The following PLPP7 variants were observed in gnomAD, a reference collection of about 807,000 sequenced individuals.
PLPP7 encodes phospholipid phosphatase 7 (inactive), also known as inactive phospholipid phosphatase 7.
PLPP7 carries 11 observed loss-of-function variants against 16.9 expected under a neutral mutation model. That is an observed-to-expected ratio of 0.65 (90% CI 0.41 to 1.08). The LOEUF (loss-of-function observed/expected upper bound fraction) is 1.08, where lower values mean the gene tolerates loss of function less well. PLPP7 is among the 50% of genes least tolerant of loss of function. The pLI is 0.00. For missense variants in PLPP7, 358 were observed against 397.1 expected (o/e 0.90, Z 0.84); for synonymous variants, 174 against 175.1 (o/e 0.99, Z 0.05).
In PLPP7 at chr9:131,293,194, G is replaced by A. The variant is rs983307885; in HGVS notation, c.451+2746G>A. 5.3e-5 allele frequency among the ~76,000 whole-genome samples: 8 copies of A among 152,168 alleles called. No individual in the cohort carries two copies. In the South Asian group the frequency reaches 6.2e-4, roughly 12 times the overall value. ...GTTCAGGAAGTAAATCCAAGGCCCC[G>A]TGACTGCAAACCCCCCCACTCCTCG... On this transcript the variant is annotated intron_variant, in intron 1 of 1. Transcript: ENST00000372264.
At chr9:131,299,751 C>T (rs117706762) in intron 1 of PLPP7, among the ~76,000 whole-genome samples, 1 of 152,218 alleles carries the variant, frequency 6.6e-6, no homozygotes, top group Admixed American at 6.5e-5. Flanking sequence ...TCCCGTTTGG[C>T]CATAGGAGAC....
chr9:131,302,888 G>C (rs1835813819), intron 1 of PLPP7, among the ~76,000 whole-genome samples: 3 of 152,188 alleles, frequency 2.0e-5, no homozygotes, highest in Admixed American at 2.0e-4. Flanking sequence ...GCGTGATCTG[G>C]AACAGTCTAA....
At chr9:131,307,175 G>C (rs1835862623) in intron 1 of PLPP7, among the ~76,000 whole-genome samples, 3 of 151,700 alleles carry the variant, frequency 2.0e-5, no homozygotes, top group Admixed American at 6.6e-5. Context: ...GAACCCAGGA[G>C]GTGGAGGTTG....
chr9:131,294,408 G>C (rs920246943), intron 1 of PLPP7, among the ~76,000 whole-genome samples: 21 of 152,166 alleles, frequency 1.4e-4, no homozygotes, highest in Non-Finnish European at 2.9e-4. Context: ...ATCATTGTCA[G>C]AAGTCCAGGA....
At chr9:131,294,058 G>T (rs1364594014) in intron 1 of PLPP7, among the ~76,000 whole-genome samples, 1 of 152,158 alleles carries the variant, frequency 6.6e-6, no homozygotes, top group African/African-American at 2.4e-5. Flanking sequence ...TGGGCCTGGG[G>T]AAGTTCTCTG....
intron 1 of PLPP7, among the ~76,000 whole-genome samples, chr9:131,293,227 C>T (rs985468193): frequency 8.1e-6 from 1 of 123,680 alleles, no homozygotes; most frequent in Admixed American, 8.5e-5. Context: ...TCGCTGCTCA[C>T]CGTGGGGCTG....
chr9:131,289,929 T>C lies in PLPP7; in HGVS notation c.-69T>C. On this transcript the variant is annotated 5_prime_UTR_variant, in exon 1 of 2. Transcript: ENST00000372264. Reference sequence around the variant, plus strand: ...CCACGGTGGCGGCTCTGGGGGCAGCTCTTGTCTTCGGGGAGAAGGCCCTTG... The same window carrying C: ...CCACGGTGGCGGCTCTGGGGGCAGCCCTTGTCTTCGGGGAGAAGGCCCTTG... The C allele has an allele frequency of 7.7e-7, 1 of 1,298,344 alleles. No individual in the cohort carries two copies. Among genetic ancestry groups the C allele is most frequent in the East Asian group, 3.0e-5 (1 of 33,842 alleles). The allele number at this position is 1,298,344 out of a possible 1,614,324, so 80.4% of individuals were successfully genotyped here.
chr9:131,300,433 T>C (rs1299662043), intron 1 of PLPP7, among the ~76,000 whole-genome samples: 1 of 152,130 alleles, frequency 6.6e-6, no homozygotes, highest in Non-Finnish European at 1.5e-5. Context: ...ACCTGTAATC[T>C]CAGCACTTTA....
In PLPP7 at chr9:131,308,315, G is replaced by A. The variant is rs1174930195; in HGVS notation, c.*28G>A. On this transcript the variant is annotated 3_prime_UTR_variant, in exon 2 of 2. Transcript: ENST00000372264. ...CGCCCGCCGGCCCACACAAGCCTCT[G>A]GGGGCAGGGCTGGCCCTAGAGAAGG... 3.2e-6 allele frequency: 5 copies of A among 1,566,498 alleles called. No homozygotes were observed. Among genetic ancestry groups the A allele is most frequent in the Non-Finnish European group, 4.3e-6 (5 of 1,162,982 alleles).
chr9:131,291,726 C>T (rs902670339), intron 1 of PLPP7, among the ~76,000 whole-genome samples: 1 of 151,992 alleles, frequency 6.6e-6, no homozygotes, highest in Non-Finnish European at 1.5e-5. Flanking sequence ...GGATTACAAG[C>T]GCACACCACC....
intron 1 of PLPP7, among the ~76,000 whole-genome samples, chr9:131,307,223 G>A (rs1190653522): frequency 1.4e-5 from 2 of 146,512 alleles, no homozygotes; most frequent in African/African-American, 2.5e-5. Context: ...TACAGCCTGG[G>A]CAATAGAGCA....
intron 1 of PLPP7, among the ~76,000 whole-genome samples, chr9:131,304,856 G>A (rs756783904): frequency 6.6e-6 from 1 of 152,188 alleles, no homozygotes; most frequent in Non-Finnish European, 1.5e-5. Context: ...GACTGCGGGG[G>A]AAAAGCCACG....
At chr9:131,307,551 CAA>C (rs57469502) in intron 1 of PLPP7, among the ~76,000 whole-genome samples, 55 of 60,564 alleles carry the variant, frequency 9.1e-4, no homozygotes, top group African/African-American at 3.2e-3. Flanking sequence ...AACTCTGTCT[CAA>C]AAAAAAAAAA....
rs1159077728 is a variant in PLPP7 at position 131,309,198 on chromosome 9, C to T, written c.*911C>T. 6.6e-6 allele frequency: 1 copy of T among 152,654 alleles called. No individual in the cohort carries two copies. 9.5% of individuals were successfully genotyped at this position (152,654 alleles called of 1,614,324 possible). A position where few individuals can be genotyped will look rare whatever the true frequency, so the allele number is the denominator to read the frequency against. On this transcript the variant is annotated 3_prime_UTR_variant, in exon 2 of 2. Transcript: ENST00000372264. ...CCGGACTCCGTGTGACCTAATAGGTCGTTTCCAAGTCACCCGTTTTGGATG... is the reference window on the plus strand; with the variant it reads ...CCGGACTCCGTGTGACCTAATAGGTTGTTTCCAAGTCACCCGTTTTGGATG...
Position 131,289,994 on chromosome 9 carries a change from C to T in PLPP7, c.-4C>T. 1.4e-6 allele frequency: 2 copies of T among 1,439,202 alleles called. No individual in the cohort carries two copies. The highest frequency in any genetic ancestry group is 1.8e-6 in the Non-Finnish European group (2 of 1,101,364). The allele number at this position is 1,439,202 out of a possible 1,614,324, so 89.2% of individuals were successfully genotyped here. A position where few individuals can be genotyped will look rare whatever the true frequency, so the allele number is the denominator to read the frequency against. On this transcript the variant is annotated 5_prime_UTR_variant, in exon 1 of 2. Transcript: ENST00000372264. ...TCGGCCTTCTCGGGGTGAGCGAGGT[C>T]ACCATGCCAGCTTCCCAGAGCCGGG...
chr9:131,306,516 A>G (rs1835855201), intron 1 of PLPP7, among the ~76,000 whole-genome samples: 1 of 152,042 alleles, frequency 6.6e-6, no homozygotes, highest in Admixed American at 6.6e-5. Context: ...CAGCCTGGGC[A>G]ACAGAACGAG....
chr9:131,299,305 CT>C (rs1835769586), intron 1 of PLPP7, among the ~76,000 whole-genome samples: 1 of 152,150 alleles, frequency 6.6e-6, no homozygotes, highest in Non-Finnish European at 1.5e-5. Flanking sequence ...GCTCTTGCCC[CT>C]GAGCCTCCTG....
At chr9:131,306,702 T>C (rs1014508719) in intron 1 of PLPP7, among the ~76,000 whole-genome samples, 2 of 152,146 alleles carry the variant, frequency 1.3e-5, no homozygotes, top group African/African-American at 4.8e-5. Flanking sequence ...CTGATTCCAT[T>C]TACATGGAGT....
At chr9:131,296,186 G>C (rs1224677901) in intron 1 of PLPP7, among the ~76,000 whole-genome samples, 1 of 152,168 alleles carries the variant, frequency 6.6e-6, no homozygotes, top group Non-Finnish European at 1.5e-5. Context: ...TTCAATCAGA[G>C]CCATCCTAAT....
Sources: allele counts gnomAD v4.1 joint callset (sites outside exome capture counted in the v4.1 genomes callset), GRCh38; gene constraint gnomAD v4.1.1; transcripts MANE v1.5; gene names NCBI Gene and HGNC (gene_info 2026-07-23, HGNC 2026-07-21).